FYN: variants seen among roughly 807,000 people sequenced by gnomAD.
FYN encodes the protein FYN proto-oncogene, Src family tyrosine kinase.
FYN carries 10 observed loss-of-function variants against 70.2 expected under a neutral mutation model. The ratio of observed to expected loss-of-function variants is 0.14; its 90% CI spans 0.09 to 0.24. The LOEUF (loss-of-function observed/expected upper bound fraction) is 0.24. Among genes scored for constraint, FYN ranks in the 10% least tolerant of loss-of-function variants. The pLI, the probability that FYN is intolerant of heterozygous loss-of-function variation, is 1.00. For synonymous variants in FYN, 236 were observed against 248.6 expected (o/e 0.95, Z 0.48); for missense variants, 319 against 673.1 (o/e 0.47, Z 5.82).
At chr6:111,817,677 T>C (rs1772532615) in intron 2 of FYN, among the ~76,000 whole-genome samples, 1 of 152,200 alleles carries the variant, frequency 6.6e-6, no homozygotes, top group African/African-American at 2.4e-5. Context: ...ACTCCATCTG[T>C]CGGCTCCTCA....
At chr6:111,842,284 G>C (rs1418101079) in intron 2 of FYN, among the ~76,000 whole-genome samples, 1 of 152,144 alleles carries the variant, frequency 6.6e-6, no homozygotes, top group East Asian at 1.9e-4. Flanking sequence ...GAGGGCCTGA[G>C]GAACAATTCC....
At chr6:111,791,866 GTA>G (rs1016278220) in intron 2 of FYN, among the ~76,000 whole-genome samples, 7 of 152,128 alleles carry the variant, frequency 4.6e-5, no homozygotes, top group African/African-American at 1.7e-4. Context: ...AACTTCCACC[GTA>G]TACCATGCAA....
chr6:111,747,340 A>C (rs1287950977), intron 3 of FYN, among the ~76,000 whole-genome samples: 1 of 152,264 alleles, frequency 6.6e-6, no homozygotes, highest in African/African-American at 2.4e-5. Flanking sequence ...CTTATTAAGC[A>C]GAGCCAAGAG....
In FYN at chr6:111,797,670, ATAT is replaced by A. The variant is rs1170267471; in HGVS notation, c.-81-17038_-81-17036del. Among the ~76,000 whole-genome samples, 3 of 14,488 alleles carry A rather than the reference ATAT, an allele frequency of 2.1e-4. No individual in the cohort carries two copies. The East Asian group carries it at 0.028, about 134-fold the overall frequency. 9.5% of individuals were successfully genotyped at this position (14,488 alleles called of 152,430 possible). A position where few individuals can be genotyped will look rare whatever the true frequency, so the allele number is the denominator to read the frequency against. On this transcript the variant is annotated intron_variant, in intron 2 of 13. Transcript: ENST00000354650. ...CAAGCTCAAAATCAAAGTTTCATATATATATATATATATATATATATATATATA... is the reference window on the plus strand; with the variant it reads ...CAAGCTCAAAATCAAAGTTTCATATAATATATATATATATATATATATATA...
At chr6:111,794,468 C>T (rs1296889506) in intron 2 of FYN, among the ~76,000 whole-genome samples, 2 of 152,146 alleles carry the variant, frequency 1.3e-5, no homozygotes, top group Non-Finnish European at 2.9e-5. Flanking sequence ...GTCAATTCCT[C>T]GAGAGTCTGC....
rs528158017 is a variant in FYN at position 111,742,374 on chromosome 6, T to C, written c.-11-22312A>G. On this transcript the variant is annotated intron_variant, in intron 3 of 13. Transcript: ENST00000354650. ...TGTAGAAAAAAACACCCTTAAGAAA[T>C]TGTAATACATCACGTTGTTAATGGC... 2.6e-5 allele frequency among the ~76,000 whole-genome samples: 4 copies of C among 152,280 alleles called. No individual in the cohort carries two copies. The South Asian group carries it at 6.2e-4, about 24-fold the overall frequency.
chr6:111,664,475 T>TA (rs976874563), intron 13 of FYN, among the ~76,000 whole-genome samples: 17 of 151,522 alleles, frequency 1.1e-4, no homozygotes, highest in African/African-American at 3.9e-4. Context: ...AGATTTCACT[T>TA]AAAAAAAAAG....
intron 3 of FYN, among the ~76,000 whole-genome samples, chr6:111,764,868 T>C (rs1290139526): frequency 6.6e-6 from 1 of 152,190 alleles, no homozygotes; most frequent in African/African-American, 2.4e-5. Context: ...CCTGAATTCC[T>C]TCCCTTCCCT....
intron 2 of FYN, chr6:111,818,807 C>T (rs954935015): frequency 4.6e-5 from 7 of 152,212 alleles, no homozygotes; most frequent in East Asian, 1.9e-4. Flanking sequence ...ATTGTAACAT[C>T]GTAGCAGCTC....
intron 13 of FYN, among the ~76,000 whole-genome samples, chr6:111,667,718 TGC>T: frequency 6.6e-6 from 1 of 152,390 alleles, no homozygotes; most frequent in African/African-American, 2.4e-5. Context: ...ACATTCATTG[TGC>T]TTTCAGCTAT....
At chr6:111,776,673 T>C (rs1770955805) in intron 3 of FYN, among the ~76,000 whole-genome samples, 1 of 152,196 alleles carries the variant, frequency 6.6e-6, no homozygotes, top group Non-Finnish European at 1.5e-5. Flanking sequence ...AAGATATTAC[T>C]GGCCTAGAAG....
chr6:111,767,871 C>G (rs1803295669), intron 3 of FYN, among the ~76,000 whole-genome samples: 1 of 152,202 alleles, frequency 6.6e-6, no homozygotes, highest in South Asian at 2.1e-4. Context: ...CAAACTGAAT[C>G]ACATCAGGGG....
chr6:111,742,804 G>A (rs1346654267), intron 3 of FYN, among the ~76,000 whole-genome samples: 1 of 152,120 alleles, frequency 6.6e-6, no homozygotes, highest in East Asian at 1.9e-4. Flanking sequence ...TTACTGAAGA[G>A]GACATAAACA....
At chr6:111,834,525 T>C (rs1303008875) in intron 2 of FYN, among the ~76,000 whole-genome samples, 1 of 152,158 alleles carries the variant, frequency 6.6e-6, no homozygotes, top group Non-Finnish European at 1.5e-5. Context: ...TCAACATTGA[T>C]GACCTCTGTT....
intron 2 of FYN, among the ~76,000 whole-genome samples, chr6:111,786,332 A>G (rs1254618026): frequency 1.3e-5 from 2 of 151,780 alleles, no homozygotes; most frequent in African/African-American, 2.4e-5. Context: ...TCCTTGTGAT[A>G]GTTTGCTGAG....
chr6:111,825,189 A>G (rs1324843523), intron 2 of FYN, among the ~76,000 whole-genome samples: 1 of 152,258 alleles, frequency 6.6e-6, no homozygotes, highest in Non-Finnish European at 1.5e-5. Context: ...CAAACATTCC[A>G]GTGCACAAGC....
chr6:111,853,080 C>T (rs755374892), intron 1 of FYN, among the ~76,000 whole-genome samples: 13 of 151,206 alleles, frequency 8.6e-5, no homozygotes, highest in Non-Finnish European at 1.5e-4. Flanking sequence ...CCCAAATCAC[C>T]CAGAGCAGCA....
chr6:111,835,682 G>A (rs1317225752), intron 2 of FYN, among the ~76,000 whole-genome samples: 3 of 152,166 alleles, frequency 2.0e-5, no homozygotes, highest in Non-Finnish European at 4.4e-5. Context: ...GGAAGGGGAA[G>A]GGGTGTCTGT....
intron 1 of FYN, among the ~76,000 whole-genome samples, chr6:111,860,197 C>A (rs1385053276): frequency 6.6e-6 from 1 of 152,172 alleles, no homozygotes; most frequent in African/African-American, 2.4e-5. Context: ...TTTGTTATGG[C>A]AGTCCCGGGA....
Sources: allele counts gnomAD v4.1 joint callset (sites outside exome capture counted in the v4.1 genomes callset), GRCh38; gene constraint gnomAD v4.1.1; transcripts MANE v1.5; gene names NCBI Gene and HGNC (gene_info 2026-07-23, HGNC 2026-07-21).